Variants in INKA2 observed in about 807,000 individuals in gnomAD.
The protein encoded by INKA2 is inka box actin regulator 2.
Under a neutral mutation model 9.8 loss-of-function variants are expected in INKA2, and 3 were observed. The ratio of observed to expected loss-of-function variants is 0.31; its 90% CI spans 0.14 to 0.79. INKA2 has a LOEUF of 0.79. Ranked by LOEUF, INKA2 falls within the 30% of genes least tolerant of loss-of-function variation. The pLI, the probability that INKA2 is intolerant of heterozygous loss-of-function variation, is 0.62. For missense variants in INKA2, 392 were observed against 384.4 expected (o/e 1.02, Z -0.17); for synonymous variants, 147 against 143.3 (o/e 1.03, Z -0.18).
chr1:111,748,453 A>C (rs1390388377), intron 1 of INKA2, among the ~76,000 whole-genome samples: 1 of 152,226 alleles, frequency 6.6e-6, no homozygotes, highest in Non-Finnish European at 1.5e-5. Context: ...GCACGGTTCT[A>C]AATGTGGCTT....
At chr1:111,740,998 AAAAAAAAAAAAAAAAAAAAAG>A (rs1663136167), upstream of INKA2, among the ~76,000 whole-genome samples, 1 of 95,970 alleles carries the variant, frequency 1.0e-5, no homozygotes, top group Non-Finnish European at 2.3e-5. Context: ...AAAAAAAAAA[AAAAAAAAAAAAAAAAAAAAAG>A]ACAGGGGAGA....
intron 1 of INKA2, among the ~76,000 whole-genome samples, chr1:111,729,862 T>C (rs1662867707): frequency 6.6e-6 from 1 of 152,242 alleles, no homozygotes; most frequent in Non-Finnish European, 1.5e-5. Context: ...AGCCAGGCTC[T>C]CAATGAGCCA....
At chr1:111,747,328 G>A (rs762723426) in intron 1 of INKA2, 1 of 152,252 alleles carries the variant, frequency 6.6e-6, no homozygotes, top group Non-Finnish European at 1.5e-5. Context: ...TCTGTCTGCT[G>A]TTTGTCTATC....
chr1:111,739,512 G>T, upstream of INKA2: 7 of 1,170,254 alleles, frequency 6.0e-6, no homozygotes, highest in Non-Finnish European at 5.7e-6. Context: ...CCGGGAGGCC[G>T]GGCTGGGCGG....
rs1401986851 is a variant in INKA2 at position 111,739,173 on chromosome 1, G to A, written c.57+13C>T. ...AGCAGCCCTCCCTGCCCCGGCGCCA[G>A]CTTCGCTCTTACCAGCTCCTGTTTG... is the stretch of plus-strand genomic sequence containing the variant. On this transcript the variant is annotated intron_variant, in intron 1 of 1. Coordinates refer to ENST00000357260, the MANE Select transcript of INKA2 (RefSeq NM_019099.5). The A allele has an allele frequency of 1.2e-6, 2 of 1,612,790 alleles. No individual in the cohort carries two copies. Among genetic ancestry groups the A allele is most frequent in the Middle Eastern group, 1.7e-4 (1 of 5,946 alleles).
At position 111,739,348 on chromosome 1, in the gene INKA2, C is replaced by A; in HGVS notation, c.-106G>T. 6.4e-7 allele frequency: 1 copy of A among 1,562,466 alleles called. No individual in the cohort carries two copies. Among genetic ancestry groups the A allele is most frequent in the Non-Finnish European group, 8.7e-7 (1 of 1,154,398 alleles). ...GCTCCCCGCCCCTGCGCCCGTAGCG[C>A]TCGCAGCGCGGAGCTGAGCCTGCGC... On this transcript the variant is annotated 5_prime_UTR_variant, in exon 1 of 2. Coordinates refer to ENST00000357260, the MANE Select transcript of INKA2 (RefSeq NM_019099.5).
At chr1:111,737,450 C>A (rs1222133402) in intron 1 of INKA2, among the ~76,000 whole-genome samples, 2 of 152,190 alleles carry the variant, frequency 1.3e-5, no homozygotes, top group African/African-American at 4.8e-5. Context: ...TAAGGCAGAA[C>A]CTGAGGTGGG....
intron 1 of INKA2, among the ~76,000 whole-genome samples, chr1:111,748,977 C>T (rs1236334080): frequency 6.6e-6 from 1 of 152,204 alleles, no homozygotes; most frequent in Non-Finnish European, 1.5e-5. Context: ...CTGAGAAAGC[C>T]CCTCTCCATA....
rs886923262 is a variant in INKA2 at position 111,724,998 on chromosome 1, T to C, written c.*1970A>G. ...AGTGCTCAACAAAACCCAAAAAGCA[T>C]GAGCGCCTTCCTCCCTCCTGCAGCT... On this transcript the variant is annotated 3_prime_UTR_variant, in exon 2 of 2. Transcript: ENST00000357260. The C allele has an allele frequency of 6.6e-6, 1 of 152,206 alleles. No homozygotes were observed. The highest frequency in any genetic ancestry group is 6.5e-5 in the Admixed American group (1 of 15,274). 9.4% of individuals were successfully genotyped at this position (152,206 alleles called of 1,614,324 possible). A position where few individuals can be genotyped will look rare whatever the true frequency, so the allele number is the denominator to read the frequency against.
At chr1:111,755,251 A>G in intron 1 of INKA2, 1 of 158,258 alleles carries the variant, frequency 6.3e-6, no homozygotes, top group Non-Finnish European at 1.4e-5. Context: ...CGAACTTGGG[A>G]GCTGTTAGTC....
chr1:111,733,086 G>T (rs1452521652), intron 1 of INKA2, among the ~76,000 whole-genome samples: 1 of 152,116 alleles, frequency 6.6e-6, no homozygotes, highest in African/African-American at 2.4e-5. Context: ...ACCAGGGGCT[G>T]GGAGGTCCAT....
Position 111,755,740 on chromosome 1 carries a change from C to T in INKA2, n.85G>A, listed in dbSNP as rs761602815. ...TTCCTCTCCTCCCTCTTGGGGCTTT[C>T]CTCAGGCCACATTTTTTGTGTGTCT... On this transcript the variant is annotated non_coding_transcript_exon_variant, in exon 1 of 2. Transcript: ENST00000444059. 6.2e-6 allele frequency: 10 copies of T among 1,613,968 alleles called. No individual in the cohort carries two copies. The South Asian group carries it at 9.9e-5, about 16-fold the overall frequency.
chr1:111,730,188 A>G (rs927496977), intron 1 of INKA2, among the ~76,000 whole-genome samples: 1 of 152,112 alleles, frequency 6.6e-6, no homozygotes, highest in Non-Finnish European at 1.5e-5. Context: ...AGCTGCTAAG[A>G]CCTGGAGCAG....
At position 111,727,538 on chromosome 1, in the gene INKA2, A is replaced by G. The variant is rs888968364; in HGVS notation, c.324T>C (p.His108=). 6.2e-7 allele frequency: 1 copy of G among 1,613,904 alleles called. No homozygotes were observed. The highest frequency in any genetic ancestry group is 8.5e-7 in the Non-Finnish European group (1 of 1,179,908). ...CTAAATCCCTTCCACAGACACTCCT[A>G]TGGGATGGAAACTTGGTGCTGCTGC... ...SLGSSTKFPS[H]RSVCGRDLAP... Residue 108 remains histidine, a synonymous_variant, in exon 2 of 2, where the codon CAT becomes CAC. Transcript: ENST00000357260.
upstream of INKA2, chr1:111,739,980 C>T (rs554582307): frequency 6.6e-6 from 1 of 152,402 alleles, no homozygotes; most frequent in Non-Finnish European, 1.5e-5. Context: ...TCGGCTGCGC[C>T]CCTGGCAAGG....
At position 111,726,256 on chromosome 1, in the gene INKA2, A is replaced by G. The variant is rs141162199; in HGVS notation, c.*712T>C. The stretch of plus-strand genomic sequence containing the variant: ...AGATGAAAAGGCATTCAAACAGCCC[A>G]GTGCTATGTCAACATCCTTCCCCTG... On this transcript the variant is annotated 3_prime_UTR_variant, in exon 2 of 2. Coordinates refer to ENST00000357260, the MANE Select transcript of INKA2 (RefSeq NM_019099.5). 13 of 389,354 alleles carry G rather than the reference A, an allele frequency of 3.3e-5. No individual in the cohort carries two copies. Among genetic ancestry groups the G allele is most frequent in the African/African-American group, 2.5e-4 (12 of 48,526 alleles). The allele number at this position is 389,354 out of a possible 1,614,324, so 24.1% of individuals were successfully genotyped here.
In INKA2 at chr1:111,727,234, T is replaced by C. The variant is rs1662799691; in HGVS notation, c.628A>G (p.Ile210Val). ...ACACTACGCAAGAACTTCTTAAAGA[T>C]GTTTGCTGTCAGGGCGAACCTGCGG... is the stretch of plus-strand genomic sequence containing the variant. ...LGRRFALTAN[I>V]FKKFLRSVRP... The change falls in exon 2 of 2, where the codon ATC becomes GTC. Residue 210 changes from isoleucine to valine, a missense_variant. Ile to Val is a conservative substitution (Grantham distance 29). Coordinates refer to ENST00000357260, the MANE Select transcript of INKA2 (RefSeq NM_019099.5). 2 of 1,614,216 alleles carry C rather than the reference T, an allele frequency of 1.2e-6. No homozygotes were observed. The highest frequency in any genetic ancestry group is 4.5e-5 in the East Asian group (2 of 44,880).
At chr1:111,755,448 G>A (rs2101409727) in intron 1 of INKA2, 2 of 552,090 alleles carry the variant, frequency 3.6e-6, no homozygotes, top group South Asian at 4.6e-5. Context: ...CCAGCACAGA[G>A]GAGCAGCGAG....
chr1:111,736,918 A>G (rs1663019509), intron 1 of INKA2, among the ~76,000 whole-genome samples: 1 of 152,250 alleles, frequency 6.6e-6, no homozygotes, highest in Middle Eastern at 3.2e-3. Context: ...TGTTGGGGAT[A>G]CTAAGGCACT....
Sources: gnomAD v4.1 joint callset for allele counts (sites outside exome capture counted in the v4.1 genomes callset) on GRCh38, gnomAD v4.1.1 for gene constraint, MANE v1.5 for transcripts, NCBI Gene and HGNC (gene_info 2026-07-23, HGNC 2026-07-21) for gene names.